ADGRF1: variants seen among roughly 807,000 people sequenced by gnomAD.
The protein encoded by ADGRF1 is G protein-coupled receptor 110.
A neutral mutation model predicts 87.2 loss-of-function variants in ADGRF1; 85 were observed. The ratio of observed to expected loss-of-function variants is 0.97; its 90% CI spans 0.82 to 1.17. The LOEUF (loss-of-function observed/expected upper bound fraction) is 1.17. Ranked by LOEUF, ADGRF1 falls within the 50% of genes most tolerant of loss-of-function variation. ADGRF1 has a pLI of 0.00. For missense variants in ADGRF1, 1,169 were observed against 1,077.2 expected (o/e 1.09, Z -1.19); for synonymous variants, 430 against 408.8 (o/e 1.05, Z -0.63).
chr6:47,030,886 A>G (rs1450446536), intron 1 of ADGRF1, among the ~76,000 whole-genome samples: 1 of 151,646 alleles, frequency 6.6e-6, no homozygotes, highest in African/African-American at 2.4e-5. Context: ...CCTCAGCCTC[A>G]TGAGTAGCTG....
chr6:47,032,951 C>G (rs1322689562), intron 1 of ADGRF1, among the ~76,000 whole-genome samples: 1 of 152,214 alleles, frequency 6.6e-6, no homozygotes, highest in Non-Finnish European at 1.5e-5. Context: ...GATTGCTTTG[C>G]GTGTGTGCAG....
At chr6:47,028,342 G>A (rs1054594406) in intron 2 of ADGRF1, among the ~76,000 whole-genome samples, 1 of 152,192 alleles carries the variant, frequency 6.6e-6, no homozygotes, top group African/African-American at 2.4e-5. Flanking sequence ...TAAAAGTAAT[G>A]CCAGTGGTTT....
intron 14 of ADGRF1, 73 bp from the exon 15 acceptor site, chr6:47,000,368 A>G (rs1164843987): frequency 4.5e-6 from 5 of 1,106,420 alleles, no homozygotes; most frequent in Middle Eastern, 2.0e-4. Context: ...AATGAAAATT[A>G]GCCTGTAGAT....
At chr6:47,034,766 G>A (rs1780539293) in intron 1 of ADGRF1, among the ~76,000 whole-genome samples, 1 of 152,008 alleles carries the variant, frequency 6.6e-6, no homozygotes, top group South Asian at 2.1e-4. Context: ...ATGTTTCATT[G>A]ACTGGTTGTG....
In ADGRF1 at chr6:47,006,644, C is replaced by T. The variant is rs556303367; in HGVS notation, c.2532+609G>A. Among the ~76,000 whole-genome samples the T allele has an allele frequency of 9.5e-4, 144 of 152,228 alleles. 1 individual carries two copies. Among genetic ancestry groups the T allele is most frequent in the South Asian group, 4.6e-3 (22 of 4,820 alleles). On this transcript the variant is annotated intron_variant, in intron 12 of 14. Coordinates refer to ENST00000371253, the MANE Select transcript of ADGRF1 (RefSeq NM_153840.4). Reference sequence around the variant, plus strand: ...CCCATCACCTGAGCAGTATATACTGCACCCAATTTGTAGTCTTTTATCCCT... The same window carrying T: ...CCCATCACCTGAGCAGTATATACTGTACCCAATTTGTAGTCTTTTATCCCT...
chr6:47,034,645 ATAG>A (rs1780535244), intron 1 of ADGRF1, among the ~76,000 whole-genome samples: 1 of 152,226 alleles, frequency 6.6e-6, no homozygotes, highest in African/African-American at 2.4e-5. Context: ...ATTATCACAC[ATAG>A]TAGCTCCACA....
intron 1 of ADGRF1, among the ~76,000 whole-genome samples, chr6:47,040,979 C>A (rs1010638859): frequency 2.0e-5 from 3 of 152,086 alleles, no homozygotes; most frequent in Non-Finnish European, 2.9e-5. Context: ...ACAAGGCATC[C>A]AACAATAATT....
chr6:47,002,945 A>G (rs780429747), intron 13 of ADGRF1, among the ~76,000 whole-genome samples: 3 of 151,860 alleles, frequency 2.0e-5, no homozygotes, highest in Non-Finnish European at 4.4e-5. Context: ...TCCCTACTTT[A>G]CTCCTCCTTT....
chr6:47,027,680 C>T lies in ADGRF1; in HGVS notation c.127+24G>A, dbSNP rs201508043. On this transcript the variant is annotated intron_variant, in intron 3 of 14. Coordinates refer to ENST00000371253, the MANE Select transcript of ADGRF1 (RefSeq NM_153840.4). ...TCCCTTGACACCAAAATCCACTGCA[C>T]CATGCTGTCTAACAGAGCCTCACCT... 3.2e-6 allele frequency: 5 copies of T among 1,571,822 alleles called. No homozygotes were observed. The East Asian group carries it at 6.7e-5, about 21-fold the overall frequency.
intron 7 of ADGRF1, 37 bp downstream of exon 7, chr6:47,020,694 T>C: frequency 6.2e-7 from 1 of 1,608,450 alleles, no homozygotes; most frequent in Non-Finnish European, 8.5e-7. Context: ...GGTGCCCAAT[T>C]CTGGGGATGC....
chr6:47,036,190 A>G (rs1234800794), intron 1 of ADGRF1, among the ~76,000 whole-genome samples: 2 of 152,216 alleles, frequency 1.3e-5, no homozygotes, highest in African/African-American at 4.8e-5. Context: ...AGATCGCGCC[A>G]CTGCACTCCA....
chr6:47,006,562 G>T (rs1779538293), intron 12 of ADGRF1, among the ~76,000 whole-genome samples: 1 of 152,080 alleles, frequency 6.6e-6, no homozygotes, highest in Non-Finnish European at 1.5e-5. Flanking sequence ...TGGGGAACAA[G>T]TGGTGTTTGG....
rs952382242 is a variant in ADGRF1 at position 47,012,971 on chromosome 6, A to G, written c.928-776T>C. 4.8e-5 allele frequency: 33 copies of G among 687,678 alleles called. No homozygotes were observed. In the African/African-American group the frequency reaches 6.4e-4, roughly 13 times the overall value. The allele number at this position is 687,678 out of a possible 1,614,324, so 42.6% of individuals were successfully genotyped here. Reference sequence around the variant, plus strand: ...TATCCTTAGTAGAAACAGGGGTTTCACCATGTTGGCCAGGCTGGTCTTGAA... The same window carrying G: ...TATCCTTAGTAGAAACAGGGGTTTCGCCATGTTGGCCAGGCTGGTCTTGAA... On this transcript the variant is annotated intron_variant, in intron 9 of 14. Coordinates refer to ENST00000371253, the MANE Select transcript of ADGRF1 (RefSeq NM_153840.4).
At chr6:47,034,078 G>C (rs1244356726) in intron 1 of ADGRF1, among the ~76,000 whole-genome samples, 1 of 152,162 alleles carries the variant, frequency 6.6e-6, no homozygotes, top group African/African-American at 2.4e-5. Flanking sequence ...AGCAGGAAGA[G>C]GTCTGGATGA....
At chr6:47,027,828 A>T in intron 2 of ADGRF1, 67 bp from the exon 3 acceptor site, 1 of 919,132 alleles carries the variant, frequency 1.1e-6, no homozygotes, top group Non-Finnish European at 1.8e-6. Context: ...GGCCTTGCTG[A>T]GTTTCCCAGA....
intron 10 of ADGRF1, among the ~76,000 whole-genome samples, chr6:47,011,330 T>C (rs1384405828): frequency 6.6e-6 from 1 of 152,254 alleles, no homozygotes; most frequent in Admixed American, 6.5e-5. Flanking sequence ...GATTATTTAA[T>C]GTACATTATA....
At chr6:47,034,262 ACTTATTTAATTGTT>A (rs746913685) in intron 1 of ADGRF1, among the ~76,000 whole-genome samples, 1 of 152,172 alleles carries the variant, frequency 6.6e-6, no homozygotes, top group Admixed American at 6.5e-5. Flanking sequence ...TTTGTAGATT[ACTTATTTAATTGTT>A]CTTTTATCAA....
intron 7 of ADGRF1, chr6:47,019,332 G>A (rs1201549997): frequency 5.1e-6 from 5 of 983,656 alleles, no homozygotes; most frequent in Non-Finnish European, 6.0e-6. Flanking sequence ...AACTATTCAT[G>A]TATGACTTAA....
chr6:47,029,017 A>T lies in ADGRF1; in HGVS notation c.45T>A (p.Thr15=). The change falls in exon 2 of 15, where the codon ACT becomes ACA. Residue 15 remains threonine, a synonymous_variant. Transcript: ENST00000371253. ...CCCCCAGGAAGCCACCGTGGCCGTC[A>T]GTGAAGGTGAAGAAAGAAATGAGCC... The part of the protein sequence containing the change: ...VLWLISFFTF[T]DGHGGFLGKN... 1.9e-6 allele frequency: 3 copies of T among 1,614,150 alleles called. No individual in the cohort carries two copies. Among genetic ancestry groups the T allele is most frequent in the Non-Finnish European group, 2.5e-6 (3 of 1,180,012 alleles).
Sources: allele counts gnomAD v4.1 joint callset (sites outside exome capture counted in the v4.1 genomes callset), GRCh38; gene constraint gnomAD v4.1.1; transcripts MANE v1.5; gene names NCBI Gene and HGNC (gene_info 2026-07-23, HGNC 2026-07-21).